Variants in TAF8 observed in about 807,000 individuals in gnomAD.
The protein encoded by TAF8 is TATA-box binding protein associated factor 8.
A neutral mutation model predicts 36.5 loss-of-function variants in TAF8; 47 were observed. The ratio of observed to expected loss-of-function variants is 1.29; its 90% CI spans 1.02 to 1.64. The LOEUF is 1.64. TAF8 is among the 40% of genes most tolerant of loss of function. TAF8 has a pLI of 0.00. For synonymous variants in TAF8, 175 were observed against 159.5 expected (o/e 1.10, Z -0.73); for missense variants, 420 against 407.6 (o/e 1.03, Z -0.26).
At chr6:42,057,552 C>T (rs564164660) in intron 5 of TAF8, 39 bp downstream of exon 5, 4 of 1,611,076 alleles carry the variant, frequency 2.5e-6, no homozygotes, top group Admixed American at 1.7e-5. Flanking sequence ...TGGTGTAAAG[C>T]ACGGAGTCAG....
rs1562023759 is a variant in TAF8, at chr6:42,080,230, T to G, written c.*2685T>G. ...TCTTGGGAGGTGTTGTCCCAGTCAG[T>G]GTTTCTGCAGCTTCCATTTGTTGTT... is the stretch of plus-strand genomic sequence containing the variant. On this transcript the variant is annotated 3_prime_UTR_variant, in exon 9 of 9. Transcript: ENST00000372977. 2 of 985,372 alleles carry G rather than the reference T, an allele frequency of 2.0e-6. No individual in the cohort carries two copies. The highest frequency in any genetic ancestry group is 3.5e-5 in the African/African-American group (2 of 57,196). 61.0% of individuals were successfully genotyped at this position (985,372 alleles called of 1,614,324 possible). A position where few individuals can be genotyped will look rare whatever the true frequency, so the allele number is the denominator to read the frequency against.
In TAF8 at chr6:42,079,547, C is replaced by T. The variant is rs1005282337; in HGVS notation, c.*2002C>T. 2 of 985,148 alleles carry T rather than the reference C, an allele frequency of 2.0e-6. No homozygotes were observed. The highest frequency in any genetic ancestry group is 1.7e-5 in the African/African-American group (1 of 57,262). The allele number at this position is 985,148 out of a possible 1,614,324, so 61.0% of individuals were successfully genotyped here. A position where few individuals can be genotyped will look rare whatever the true frequency, so the allele number is the denominator to read the frequency against. On this transcript the variant is annotated 3_prime_UTR_variant, in exon 9 of 9. Transcript: ENST00000372977. ...GTCCATATTTAGCTTCATGTATTCC[C>T]CTTTGGCTTCCACAGTTCAACTCCT...
chr6:42,086,090 A>G (rs1766020824), downstream of TAF8, among the ~76,000 whole-genome samples: 1 of 152,234 alleles, frequency 6.6e-6, no homozygotes, highest in Admixed American at 6.5e-5. Context: ...TGGGCTTCCC[A>G]GCGTCCAGCA....
Position 42,078,338 on chromosome 6 carries a change from C to G in TAF8, c.*793C>G, listed in dbSNP as rs1205356044. 2 of 984,456 alleles carry G rather than the reference C, an allele frequency of 2.0e-6. No individual in the cohort carries two copies. Among genetic ancestry groups the G allele is most frequent in the Non-Finnish European group, 2.4e-6 (2 of 829,446 alleles). The allele number at this position is 984,456 out of a possible 1,614,324, so 61.0% of individuals were successfully genotyped here. On this transcript the variant is annotated 3_prime_UTR_variant, in exon 9 of 9. Coordinates refer to ENST00000372977, the MANE Select transcript of TAF8 (RefSeq NM_138572.3). ...GGGCTCTTTGCTGCTGTGCTTATTA[C>G]AAGGAAGACTGTTTGTCCAGCGTGT...
chr6:42,072,255 T>A (rs2127461935), intron 7 of TAF8, among the ~76,000 whole-genome samples: 1 of 152,240 alleles, frequency 6.6e-6, no homozygotes, highest in East Asian at 1.9e-4. Flanking sequence ...AAAAATAAAA[T>A]CAAATGACTC....
intron 5 of TAF8, among the ~76,000 whole-genome samples, chr6:42,061,302 T>G (rs1385467191): frequency 1.3e-5 from 2 of 152,216 alleles, no homozygotes; most frequent in Admixed American, 1.3e-4. Flanking sequence ...TTCCCATAAT[T>G]TTGGACACAT....
downstream of TAF8, among the ~76,000 whole-genome samples, chr6:42,084,440 A>T (rs1370856194): frequency 6.6e-6 from 1 of 151,880 alleles, no homozygotes; most frequent in East Asian, 1.9e-4. Flanking sequence ...TTATTTATTT[A>T]TTTATTTTTA....
At position 42,068,563 on chromosome 6, in the gene TAF8, G is replaced by A. The variant is rs1452461216; in HGVS notation, c.736G>A (p.Asp246Asn). ...QMEETDSSEQ[D>N]EQTDTENLAL... ...GGAAGAGACAGATTCCTCGGAGCAG[G>A]ATGAACAGACAGACACAGAGAACCT... Residue 246 changes from aspartate to asparagine, a missense_variant, in exon 7 of 9, where the codon GAT becomes AAT. Asp to Asn is a conservative substitution (Grantham distance 23). Transcript: ENST00000372977. The A allele has an allele frequency of 6.2e-7, 1 of 1,613,988 alleles. No individual in the cohort carries two copies. The highest frequency in any genetic ancestry group is 2.2e-5 in the East Asian group (1 of 44,880).
In TAF8 at chr6:42,078,477, G is replaced by A; in HGVS notation, c.*932G>A. ...TCTGGCCTCCCAAGTGCTCCGTTGA[G>A]CTGATGAAAAGTTCTTTGTACTCCC... is the stretch of plus-strand genomic sequence containing the variant. On this transcript the variant is annotated 3_prime_UTR_variant, in exon 9 of 9. Coordinates refer to ENST00000372977, the MANE Select transcript of TAF8 (RefSeq NM_138572.3). The A allele has an allele frequency of 1.0e-6, 1 of 985,444 alleles. No individual in the cohort carries two copies. Among genetic ancestry groups the A allele is most frequent in the Non-Finnish European group, 1.2e-6 (1 of 829,938 alleles). 61.0% of individuals were successfully genotyped at this position (985,444 alleles called of 1,614,324 possible).
chr6:42,086,879 A>G, downstream of TAF8: 1 of 944,758 alleles, frequency 1.1e-6, no homozygotes, highest in East Asian at 2.6e-5. Context: ...TGCAGATGCT[A>G]CCCCACAAGC....
At chr6:42,065,822 A>G (rs1765343051) in intron 5 of TAF8, among the ~76,000 whole-genome samples, 2 of 152,182 alleles carry the variant, frequency 1.3e-5, no homozygotes, top group Non-Finnish European at 2.9e-5. Flanking sequence ...ATGTAGTTAC[A>G]TTGTTTTTCC....
intron 6 of TAF8, among the ~76,000 whole-genome samples, chr6:42,067,394 T>C (rs1765402752): frequency 6.6e-6 from 1 of 152,096 alleles, no homozygotes; most frequent in African/African-American, 2.4e-5. Context: ...TTTGTATTTT[T>C]AGTAGAGACG....
chr6:42,050,549 A>C lies in TAF8; in HGVS notation c.8A>C (p.Asp3Ala). 1.3e-6 allele frequency: 2 copies of C among 1,498,214 alleles called. No individual in the cohort carries two copies. The highest frequency in any genetic ancestry group is 9.0e-7 in the Non-Finnish European group (1 of 1,115,778). 92.8% of individuals were successfully genotyped at this position (1,498,214 alleles called of 1,614,324 possible). MA[D>A]AAATAGAGGS... ...ACACTACGCCAGAACAAGATGGCCG[A>C]CGCGGCGGCCACAGCTGGGGCCGGT... Residue 3 changes from aspartate to alanine, a missense_variant, in exon 1 of 9, where the codon GAC becomes GCC. Physicochemically the swap from Asp to Ala is moderately radical, Grantham distance 126 (BLOSUM62 -2). Transcript: ENST00000372977.
At chr6:42,083,693 G>A (rs939453855), downstream of TAF8, among the ~76,000 whole-genome samples, 18 of 148,662 alleles carry the variant, frequency 1.2e-4, no homozygotes, top group African/African-American at 4.5e-4. Flanking sequence ...AGGGGCACCC[G>A]GGGACTCTGC....
intron 5 of TAF8, 43 bp from the exon 6 acceptor site, chr6:42,066,269 A>G (rs748676571): frequency 6.2e-7 from 1 of 1,607,496 alleles, no homozygotes; most frequent in African/African-American, 1.3e-5. Flanking sequence ...AAGCAGAATG[A>G]TACTTCGGCA....
Position 42,078,179 on chromosome 6 carries a change from C to T in TAF8, c.*634C>T, listed in dbSNP as rs1765819737. On this transcript the variant is annotated 3_prime_UTR_variant, in exon 9 of 9. Transcript: ENST00000372977. ...TGCTGAGATTACAGGCGTGAGCCAC[C>T]GCACCCCACCAGAGACTTTCTTAAT... is the stretch of plus-strand genomic sequence containing the variant. The T allele has an allele frequency of 8.1e-6, 8 of 985,346 alleles. No homozygotes were observed. Among genetic ancestry groups the T allele is most frequent in the East Asian group, 1.1e-4 (1 of 8,826 alleles). 61.0% of individuals were successfully genotyped at this position (985,346 alleles called of 1,614,324 possible).
At chr6:42,058,569 A>G (rs1765085138) in intron 5 of TAF8, among the ~76,000 whole-genome samples, 1 of 152,126 alleles carries the variant, frequency 6.6e-6, no homozygotes. Flanking sequence ...TGCATACCAT[A>G]TAGTGATGGC....
downstream of TAF8, among the ~76,000 whole-genome samples, chr6:42,084,219 T>C (rs1321853673): frequency 1.4e-5 from 2 of 147,084 alleles, no homozygotes; most frequent in Non-Finnish European, 3.0e-5. Context: ...CCTAAGGGCC[T>C]CGTTAGCCTG....
At chr6:42,066,255 A>G in intron 5 of TAF8, 57 bp from the exon 6 acceptor site, 1 of 1,601,260 alleles carries the variant, frequency 6.2e-7, no homozygotes, top group Non-Finnish European at 8.5e-7. Flanking sequence ...CAGGGAGCTG[A>G]TGAAAGCAGA....
Sources: allele counts gnomAD v4.1 joint callset (sites outside exome capture counted in the v4.1 genomes callset), GRCh38; gene constraint gnomAD v4.1.1; transcripts MANE v1.5; gene names NCBI Gene and HGNC (gene_info 2026-07-23, HGNC 2026-07-21).